Variants in SMG6 observed in about 807,000 individuals in gnomAD.
The protein encoded by SMG6 is telomerase-binding protein EST1A.
Under a neutral mutation model 142.2 loss-of-function variants are expected in SMG6, and 66 were observed. That is an observed-to-expected ratio of 0.46 (90% CI 0.38 to 0.57). The LOEUF is 0.57. Among genes scored for constraint, SMG6 ranks in the 20% least tolerant of loss-of-function variants. The probability of loss-of-function intolerance (pLI) is 0.00; values close to 1 mark genes in which losing one functional copy is unlikely to be tolerated. For missense variants in SMG6, 1,793 were observed against 1,832.0 expected, an observed-to-expected ratio of 0.98 and a Z score of 0.39; for synonymous variants, 779 against 702.4, an observed-to-expected ratio of 1.11 and a Z score of -1.72.
rs770113339 is a variant in SMG6, at chr17:2,087,041, G to C, written c.3358-1140C>G. 17 of 1,290,324 alleles carry C rather than the reference G, an allele frequency of 1.3e-5. No homozygotes were observed. The South Asian group carries it at 2.1e-4, about 16-fold the overall frequency. The allele number at this position is 1,290,324 out of a possible 1,614,324, so 79.9% of individuals were successfully genotyped here. Reference sequence around the variant, plus strand: ...TGTGAAAGGAACTTCACAGTAATAAGCCTTCTATCTGCAGCACATAGGGAA... The same window carrying C: ...TGTGAAAGGAACTTCACAGTAATAACCCTTCTATCTGCAGCACATAGGGAA... On this transcript the variant is annotated intron_variant, in intron 13 of 18. Transcript: ENST00000263073.
intron 10 of SMG6, among the ~76,000 whole-genome samples, chr17:2,210,839 T>C (rs1425411257): frequency 2.0e-5 from 3 of 151,730 alleles, no homozygotes; most frequent in Non-Finnish European, 2.9e-5. Flanking sequence ...AAACCCTTGT[T>C]AACTAACTGA....
intron 13 of SMG6, among the ~76,000 whole-genome samples, chr17:2,144,794 C>G (rs1246627728): frequency 1.3e-5 from 2 of 152,104 alleles, no homozygotes; most frequent in Non-Finnish European, 2.9e-5. Context: ...AGGGTTAGCT[C>G]ATGGTCGTAA....
chr17:2,185,754 A>G (rs1421319113), intron 12 of SMG6, among the ~76,000 whole-genome samples: 5 of 151,490 alleles, frequency 3.3e-5, no homozygotes, highest in Non-Finnish European at 7.4e-5. Context: ...TGTAGTGAGA[A>G]GACGGGGACG....
At position 2,186,824 on chromosome 17, in the gene SMG6, C is replaced by T; in HGVS notation, c.2994G>A (p.Leu998=). The part of the protein sequence containing the change: ...CLLKESAKAQ[L]SSPEDQDDQD... ...GGTCATCCTGGTCCTCAGGAGAGGACAGCTGAGCTGCAGAGGCAAAGGGTG... is the reference window on the plus strand; with the variant it reads ...GGTCATCCTGGTCCTCAGGAGAGGATAGCTGAGCTGCAGAGGCAAAGGGTG... Residue 998 remains leucine (L), a synonymous_variant, in exon 12 of 19, where the codon CTG becomes CTA. Transcript: ENST00000263073. The T allele has an allele frequency of 6.2e-7, 1 of 1,614,070 alleles. No homozygotes were observed. The highest frequency in any genetic ancestry group is 8.5e-7 in the Non-Finnish European group (1 of 1,179,996).
intron 13 of SMG6, among the ~76,000 whole-genome samples, chr17:2,135,471 C>T (rs1380988656): frequency 6.6e-6 from 1 of 152,146 alleles, no homozygotes; most frequent in African/African-American, 2.4e-5. Context: ...CTTTCCCCGT[C>T]CACCCCCACC....
intron 8 of SMG6, among the ~76,000 whole-genome samples, chr17:2,271,174 G>A (rs1391109358): frequency 6.7e-6 from 1 of 150,042 alleles, no homozygotes; most frequent in African/African-American, 2.5e-5. Flanking sequence ...GAGTGCAGTG[G>A]TGCAATCTTG....
chr17:2,294,188 T>C (rs1267883367), intron 4 of SMG6, among the ~76,000 whole-genome samples: 3 of 152,116 alleles, frequency 2.0e-5, no homozygotes, highest in Non-Finnish European at 4.4e-5. Flanking sequence ...CTCAAATTTG[T>C]ACCTCAGCAA....
intron 15 of SMG6, among the ~76,000 whole-genome samples, chr17:2,074,323 A>G (rs1194632025): frequency 6.6e-6 from 1 of 152,164 alleles, no homozygotes; most frequent in East Asian, 1.9e-4. Context: ...ATAAAATAAA[A>G]ATAGGAACAG....
At chr17:2,115,676 T>C (rs1390535370) in intron 13 of SMG6, among the ~76,000 whole-genome samples, 1 of 152,140 alleles carries the variant, frequency 6.6e-6, no homozygotes, top group Non-Finnish European at 1.5e-5. Context: ...TACAGAAGAA[T>C]ATCTTCCTTC....
chr17:2,275,532 T>C (rs1236446081), intron 8 of SMG6, among the ~76,000 whole-genome samples: 1 of 152,228 alleles, frequency 6.6e-6, no homozygotes, highest in Non-Finnish European at 1.5e-5. Context: ...CTATTCAAGA[T>C]GCTGATAACA....
chr17:2,257,561 C>G, intron 8 of SMG6, among the ~76,000 whole-genome samples: 1 of 152,188 alleles, frequency 6.6e-6, no homozygotes, highest in Non-Finnish European at 1.5e-5. Context: ...AGAGACTACA[C>G]TTAACATCAG....
chr17:2,287,076 C>T (rs2074924024), intron 6 of SMG6, among the ~76,000 whole-genome samples: 2 of 151,980 alleles, frequency 1.3e-5, no homozygotes, highest in Admixed American at 6.6e-5. Flanking sequence ...GGACTACAGG[C>T]GCCTGCCACT....
Position 2,060,765 on chromosome 17 carries a change from C to T in SMG6, c.*727G>A, listed in dbSNP as rs1311663646. The stretch of plus-strand genomic sequence containing the variant: ...GCCACCCGAGAGCACGGGCCTGAGA[C>T]CAGATGCCCCTTTCCTCTAGACTCA... On this transcript the variant is annotated 3_prime_UTR_variant, in exon 19 of 19. Coordinates refer to ENST00000263073, the MANE Select transcript of SMG6 (RefSeq NM_017575.5). 3 of 152,206 alleles carry T rather than the reference C, an allele frequency of 2.0e-5. No homozygotes were observed. Among genetic ancestry groups the T allele is most frequent in the Admixed American group, 2.0e-4 (3 of 15,278 alleles). The allele number at this position is 152,206 out of a possible 1,614,324, so 9.4% of individuals were successfully genotyped here. A position where few individuals can be genotyped will look rare whatever the true frequency, so the allele number is the denominator to read the frequency against.
rs1025314602 is a variant in SMG6 at position 2,236,717 on chromosome 17, A to T, written c.2724-80T>A. 23 of 844,334 alleles carry T rather than the reference A, an allele frequency of 2.7e-5. No individual in the cohort carries two copies. Among genetic ancestry groups the T allele is most frequent in the African/African-American group, 1.1e-4 (6 of 54,992 alleles). 52.3% of individuals were successfully genotyped at this position (844,334 alleles called of 1,614,324 possible). On this transcript the variant is annotated intron_variant, in intron 9 of 18. Coordinates refer to ENST00000263073, the MANE Select transcript of SMG6 (RefSeq NM_017575.5). ...CACTCTGTCTCACACACACACACAC[A>T]CACACACACACACACACACACACAC...
chr17:2,223,504 C>G (rs1244762295), intron 10 of SMG6, among the ~76,000 whole-genome samples: 1 of 152,126 alleles, frequency 6.6e-6, no homozygotes, highest in Admixed American at 6.5e-5. Context: ...CTAAGAACAG[C>G]AGTAGTCAAG....
chr17:2,287,346 A>G (rs997323139), intron 6 of SMG6, among the ~76,000 whole-genome samples: 2 of 152,264 alleles, frequency 1.3e-5, no homozygotes, highest in African/African-American at 4.8e-5. Context: ...CCATAATGTG[A>G]TATCACCTCA....
intron 13 of SMG6, among the ~76,000 whole-genome samples, chr17:2,112,588 C>T (rs982847935): frequency 1.3e-5 from 2 of 149,070 alleles, no homozygotes; most frequent in African/African-American, 4.9e-5. Context: ...TGGTCTGTTC[C>T]AAGTTCTTGC....
At chr17:2,129,551 C>T (rs148206721) in intron 13 of SMG6, among the ~76,000 whole-genome samples, 1 of 151,806 alleles carries the variant, frequency 6.6e-6, no homozygotes, top group African/African-American at 2.4e-5. Context: ...CCCAGCACTT[C>T]GCGAGGCTGA....
intron 1 of SMG6, 63 bp from the exon 2 acceptor site, chr17:2,300,727 A>G (rs2151419222): frequency 7.0e-7 from 1 of 1,424,000 alleles, no homozygotes; most frequent in East Asian, 2.3e-5. Context: ...GAAGGAAGAT[A>G]GGGGAAAGAC....
Sources: gnomAD v4.1 joint callset for allele counts (sites outside exome capture counted in the v4.1 genomes callset) on GRCh38, gnomAD v4.1.1 for gene constraint, MANE v1.5 for transcripts, NCBI Gene and HGNC (gene_info 2026-07-23, HGNC 2026-07-21) for gene names.